PSG3: variants seen among roughly 807,000 people sequenced by gnomAD.
PSG3 encodes the protein pregnancy-specific beta-1-glycoprotein 3.
Under a neutral mutation model 47.5 loss-of-function variants are expected in PSG3, and 61 were observed. That is an observed-to-expected ratio of 1.28 (90% confidence interval 1.05 to 1.59). The LOEUF (loss-of-function observed/expected upper bound fraction) is 1.59, where lower values mean the gene tolerates loss of function less well. Among genes scored for constraint, PSG3 ranks in the 40% most tolerant of loss-of-function variants. The pLI is 0.00. For missense variants in PSG3, 756 were observed against 524.0 expected, an observed-to-expected ratio of 1.44 and a Z score of -4.32; for synonymous variants, 263 against 198.4, an observed-to-expected ratio of 1.33 and a Z score of -2.74.
intron 1 of PSG3, 106 bp from the exon 2 acceptor site, chr19:42,739,195 G>GACAC: frequency 1.4e-6 from 2 of 1,388,264 alleles, no homozygotes; most frequent in Non-Finnish European, 9.8e-7. Flanking sequence ...GCTTTGAAGA[G>GACAC]ACACACACAC....
intron 2 of PSG3, among the ~76,000 whole-genome samples, chr19:42,737,750 ACCCTGATCTC>A (rs1004938696): frequency 1.4e-4 from 21 of 151,998 alleles, no homozygotes; most frequent in Non-Finnish European, 2.8e-4. Flanking sequence ...ACCTCATGTG[ACCCTGATCTC>A]CCCTTTGTGT....
intron 5 of PSG3, 45 bp downstream of exon 5, chr19:42,729,078 A>C: frequency 6.2e-7 from 1 of 1,613,272 alleles, no homozygotes; most frequent in Non-Finnish European, 8.5e-7. Context: ...AGCCAGAGAG[A>C]CTCCACCTAA....
In PSG3 at chr19:42,729,826, C is replaced by G. The variant is rs746192479; in HGVS notation, c.940G>C (p.Asp314His). 3 of 1,613,546 alleles carry G rather than the reference C, an allele frequency of 1.9e-6. No individual in the cohort carries two copies. Among genetic ancestry groups the G allele is most frequent in the African/African-American group, 2.7e-5 (2 of 74,878 alleles). Residue 314 changes from aspartate to histidine, a missense_variant, in exon 4 of 7, where the codon GAC becomes CAC. Asp to His is a moderately conservative substitution (Grantham distance 81). Coordinates refer to ENST00000327495, the MANE Select transcript of PSG3 (RefSeq NM_021016.4). ...ETGPYQCEIQ[D>H]RYGGIRSYPV... ...TAACTGCGGATGCCACCATATCGGT[C>G]CTGTATTTCACATTGATAGGGTCCT...
chr19:42,728,116 G>C (rs950476393), intron 5 of PSG3, among the ~76,000 whole-genome samples: 5 of 152,188 alleles, frequency 3.3e-5, no homozygotes, highest in African/African-American at 1.2e-4. Flanking sequence ...TAAGGTTTAG[G>C]GGGAGAAGGA....
At chr19:42,736,166 T>G (rs1969559513) in intron 2 of PSG3, among the ~76,000 whole-genome samples, 1 of 152,242 alleles carries the variant, frequency 6.6e-6, no homozygotes, top group Non-Finnish European at 1.5e-5. Flanking sequence ...TGAATTCTGC[T>G]AAAATGTTGG....
chr19:42,739,183 C>A, intron 1 of PSG3, 94 bp from the exon 2 acceptor site: 1 of 1,450,100 alleles, frequency 6.9e-7, no homozygotes, highest in Non-Finnish European at 9.4e-7. Context: ...CTTCAATCCT[C>A]AGCTTTGAAG....
chr19:42,729,712 G>A (rs2122173504), intron 4 of PSG3, 66 bp downstream of exon 4: 1 of 1,576,958 alleles, frequency 6.3e-7, no homozygotes, highest in Admixed American at 1.8e-5. Flanking sequence ...AGAGTGAGAG[G>A]CCTGGCCTCT....
chr19:42,723,424 C>A (rs567364042), intron 6 of PSG3, among the ~76,000 whole-genome samples: 42 of 152,132 alleles, frequency 2.8e-4, no homozygotes, highest in East Asian at 1.2e-3. Flanking sequence ...TAGGAAGTAG[C>A]GGTAAAGGAA....
At position 42,739,001 on chromosome 19, in the gene PSG3, A is replaced by T; in HGVS notation, c.153T>A (p.Val51=). 6.2e-7 allele frequency: 1 copy of T among 1,614,016 alleles called. No individual in the cohort carries two copies. ...EPTKVSKGKD[V]LLLVHNLPQN... ...GGGGCAAATTGTGGACAAGTAGAAG[A>T]ACGTCCTTCCCCTTGGAAACTTTGG... The change falls in exon 2 of 7, where the codon GTT becomes GTA. Residue 51 remains valine, a synonymous_variant. Transcript: ENST00000327495.
chr19:42,722,466 G>A (rs1364190340), intron 6 of PSG3, among the ~76,000 whole-genome samples: 1 of 152,164 alleles, frequency 6.6e-6, no homozygotes, highest in African/African-American at 2.4e-5. Context: ...GTGTTAGCCA[G>A]GATGGTCTCG....
Position 42,729,393 on chromosome 19 carries a change from T to A in PSG3, c.989-16A>T. 2 of 1,605,646 alleles carry A rather than the reference T, an allele frequency of 1.2e-6. No homozygotes were observed. The highest frequency in any genetic ancestry group is 2.2e-5 in the South Asian group (2 of 89,630). On this transcript the variant is annotated splice_polypyrimidine_tract_variant and intron_variant, in intron 4 of 6. Transcript: ENST00000327495. ...TCTGGACCATCTGGAGCAAAGAGAA[T>A]AAAGCCACAGGTGATGTCATCCGAG...
At chr19:42,730,442 C>T (rs1434194084) in intron 3 of PSG3, among the ~76,000 whole-genome samples, 4 of 152,192 alleles carry the variant, frequency 2.6e-5, no homozygotes, top group Non-Finnish European at 5.9e-5. Flanking sequence ...TCCTACTTTG[C>T]CCCCATAGAT....
chr19:42,734,900 C>G lies in PSG3; in HGVS notation c.431-1838G>C, dbSNP rs568443947. Among the ~76,000 whole-genome samples, 96 of 152,278 alleles carry G rather than the reference C, an allele frequency of 6.3e-4. No homozygotes were observed. In the Middle Eastern group the frequency reaches 0.02, roughly 32 times the overall value. On this transcript the variant is annotated intron_variant, in intron 2 of 6. Transcript: ENST00000327495. ...AAACAGGTATGTGAAATGCTTTCTT[C>G]ATTTTCTCTTAAGCTCAGGAAACAC...
In PSG3 at chr19:42,723,999, CA is replaced by C. The variant is rs1225953620; in HGVS notation, c.1269del (p.Gly424AlafsTer49). 1 of 1,611,644 alleles carries C rather than the reference CA, an allele frequency of 6.2e-7. No homozygotes were observed. The highest frequency in any genetic ancestry group is 1.7e-5 in the Admixed American group (1 of 59,982). ...CACGGCTGCTATAATGGATTAAGGC[CA>C]GGAAGATGTCCTGTTCCTGAAGGAG... ...VSAPSGTGHL[P>X]GLNPL On this transcript the variant is annotated frameshift_variant, in exon 6 of 7. Transcript: ENST00000327495. LOFTEE classifies it high-confidence loss of function.
At chr19:42,737,993 G>A (rs189816766) in intron 2 of PSG3, among the ~76,000 whole-genome samples, 1 of 152,324 alleles carries the variant, frequency 6.6e-6, no homozygotes, top group East Asian at 1.9e-4. Context: ...TCAGATGCCT[G>A]TGGACAAGCT....
At chr19:42,730,943 G>GT (rs1362312161) in intron 3 of PSG3, among the ~76,000 whole-genome samples, 2 of 152,224 alleles carry the variant, frequency 1.3e-5, no homozygotes. Context: ...GACCATATGT[G>GT]TTTGATGGAT....
chr19:42,723,812 T>G, intron 6 of PSG3, 130 bp downstream of exon 6: 1 of 734,754 alleles, frequency 1.4e-6, no homozygotes, highest in East Asian at 2.5e-5. Flanking sequence ...CAGGAATTAG[T>G]GCTGAGAAGC....
At chr19:42,725,159 G>C (rs796659158) in intron 5 of PSG3, among the ~76,000 whole-genome samples, 107 of 152,284 alleles carry the variant, frequency 7.0e-4, no homozygotes, top group African/African-American at 2.5e-3. Flanking sequence ...TGGTTCCACT[G>C]TGTGTGGCAT....
At chr19:42,727,712 G>T (rs1331707552) in intron 5 of PSG3, among the ~76,000 whole-genome samples, 1 of 152,188 alleles carries the variant, frequency 6.6e-6, no homozygotes, top group Non-Finnish European at 1.5e-5. Flanking sequence ...GAAGTGGTGT[G>T]GCTCTCTCTC....
Sources: allele counts gnomAD v4.1 joint callset (sites outside exome capture counted in the v4.1 genomes callset), GRCh38; gene constraint gnomAD v4.1.1; transcripts MANE v1.5; gene names NCBI Gene and HGNC (gene_info 2026-07-23, HGNC 2026-07-21).